GRIK2: variants seen among roughly 807,000 people sequenced by gnomAD.
GRIK2 encodes the protein glutamate ionotropic receptor kainate type subunit 2.
GRIK2 carries 32 observed loss-of-function variants against 100.3 expected under a neutral mutation model. That is an observed-to-expected ratio of 0.32 (90% CI 0.24 to 0.43). The LOEUF is 0.43. Among genes scored for constraint, GRIK2 ranks in the 20% least tolerant of loss-of-function variants. The pLI is 1.00. For synonymous variants in GRIK2, 417 were observed against 389.4 expected, an observed-to-expected ratio of 1.07 and a Z score of -0.83; for missense variants, 843 against 1,114.9, an observed-to-expected ratio of 0.76 and a Z score of 3.47.
chr6:101,540,571 A>C (rs960066146), intron 2 of GRIK2, among the ~76,000 whole-genome samples: 2 of 152,004 alleles, frequency 1.3e-5, no homozygotes, highest in Non-Finnish European at 2.9e-5. Context: ...TTAGATAAAA[A>C]TGTATGAGGA....
intron 10 of GRIK2, among the ~76,000 whole-genome samples, chr6:101,846,487 T>C (rs1783818475): frequency 6.6e-6 from 1 of 152,092 alleles, no homozygotes; most frequent in Non-Finnish European, 1.5e-5. Context: ...TCTTTTATTG[T>C]GAAGTCTTTT....
chr6:101,687,244 T>C (rs2518297), intron 7 of GRIK2, among the ~76,000 whole-genome samples: 137,704 of 151,888 alleles, frequency 0.91, 62,470 homozygotes, highest in South Asian at 0.94. Context: ...CTTGTCAGAC[T>C]TGGTAGGTAT....
At chr6:101,539,969 G>A (rs1775904881) in intron 2 of GRIK2, among the ~76,000 whole-genome samples, 1 of 151,774 alleles carries the variant, frequency 6.6e-6, no homozygotes, top group South Asian at 2.1e-4. Context: ...AAAAATTGGA[G>A]AATAAGTGTG....
At chr6:101,859,020 A>G (rs1222241774) in intron 10 of GRIK2, among the ~76,000 whole-genome samples, 3 of 151,994 alleles carry the variant, frequency 2.0e-5, no homozygotes, top group African/African-American at 2.4e-5. Context: ...GATTTATGGC[A>G]TAAGATATAA....
chr6:101,440,372 A>G (rs1226816372), intron 2 of GRIK2, among the ~76,000 whole-genome samples: 3 of 152,226 alleles, frequency 2.0e-5, no homozygotes, highest in Non-Finnish European at 2.9e-5. Flanking sequence ...AGCTCAGTGC[A>G]TTAAGTTAAT....
At chr6:101,871,426 T>A (rs1387948263) in intron 11 of GRIK2, among the ~76,000 whole-genome samples, 3 of 151,602 alleles carry the variant, frequency 2.0e-5, no homozygotes, top group Non-Finnish European at 4.4e-5. Flanking sequence ...TGCAGATTTA[T>A]TAGATGGCTA....
At chr6:101,706,225 A>G (rs759649294) in intron 7 of GRIK2, among the ~76,000 whole-genome samples, 3 of 151,924 alleles carry the variant, frequency 2.0e-5, no homozygotes, top group Non-Finnish European at 4.4e-5. Flanking sequence ...ATTGCTATAT[A>G]CATGATAGTT....
At chr6:101,657,696 T>C (rs1413026425) in intron 4 of GRIK2, among the ~76,000 whole-genome samples, 2 of 152,160 alleles carry the variant, frequency 1.3e-5, no homozygotes, top group African/African-American at 4.8e-5. Flanking sequence ...TCTATTATGT[T>C]AGCAATGTGG....
intron 2 of GRIK2, among the ~76,000 whole-genome samples, chr6:101,568,817 T>G (rs72959136): frequency 6.6e-6 from 1 of 152,224 alleles, no homozygotes; most frequent in Non-Finnish European, 1.5e-5. Context: ...TTAAAAATTC[T>G]GATAACGAGT....
Position 101,532,546 on chromosome 6 carries a change from T to TA in GRIK2, c.116-89403_116-89402insA, listed in dbSNP as rs1360724063. 9.6e-4 allele frequency among the ~76,000 whole-genome samples: 145 copies of TA among 151,212 alleles called. No homozygotes were observed. In the Middle Eastern group the frequency reaches 0.014, roughly 14 times the overall value. ...ATGATGTCTGGGGAGACCTTTTTTT[T>TA]TTTTAAAGTTTTATTTGTGTCCTTA... On this transcript the variant is annotated intron_variant, in intron 2 of 16. Transcript: ENST00000369134.
chr6:101,552,919 T>G (rs1489822697), intron 2 of GRIK2, among the ~76,000 whole-genome samples: 2 of 152,214 alleles, frequency 1.3e-5, no homozygotes. Flanking sequence ...TAGATTTTCA[T>G]AAGTTTAGGC....
chr6:101,627,089 ATGTG>A (rs377491038), intron 4 of GRIK2, among the ~76,000 whole-genome samples: 127 of 147,728 alleles, frequency 8.6e-4, no homozygotes, highest in Middle Eastern at 3.5e-3. Context: ...ATATTGAATA[ATGTG>A]TGTGTGTGTG....
At chr6:101,924,772 G>A in intron 13 of GRIK2, 53 bp downstream of exon 13, 2 of 1,097,200 alleles carry the variant, frequency 1.8e-6, no homozygotes, top group Non-Finnish European at 2.8e-6. Flanking sequence ...ACTCTTTGCT[G>A]GGGGTGACAG....
chr6:101,834,147 C>G (rs1052750259), intron 10 of GRIK2, among the ~76,000 whole-genome samples: 1 of 151,916 alleles, frequency 6.6e-6, no homozygotes, highest in Non-Finnish European at 1.5e-5. Flanking sequence ...CATAGATTTT[C>G]ACATAATGTC....
chr6:101,595,714 G>GTATATATATATATATATATATATA (rs1213458153), intron 2 of GRIK2, among the ~76,000 whole-genome samples: 67 of 129,538 alleles, frequency 5.2e-4, no homozygotes, highest in Non-Finnish European at 7.3e-4. Context: ...GTGTGTGTGT[G>GTATATATATATATATATATATATA]TGTGTATATA....
intron 9 of GRIK2, among the ~76,000 whole-genome samples, chr6:101,815,609 C>T (rs1002008849): frequency 7.8e-5 from 11 of 140,304 alleles, no homozygotes; most frequent in Non-Finnish European, 1.3e-4. Context: ...ATCTTAATTG[C>T]GTTTCAGAGC....
At chr6:102,045,044 G>A (rs924487386) in intron 15 of GRIK2, among the ~76,000 whole-genome samples, 1 of 151,852 alleles carries the variant, frequency 6.6e-6, no homozygotes, top group Non-Finnish European at 1.5e-5. Context: ...TAATGGCAAG[G>A]ACCATAAATG....
intron 14 of GRIK2, among the ~76,000 whole-genome samples, chr6:102,027,988 C>G (rs1357000346): frequency 6.6e-6 from 1 of 151,046 alleles, no homozygotes. Flanking sequence ...TTGCAAAGCA[C>G]TATTCTTACA....
intron 10 of GRIK2, among the ~76,000 whole-genome samples, chr6:101,831,017 AC>A (rs2128427982): frequency 6.6e-6 from 1 of 152,264 alleles, no homozygotes; most frequent in South Asian, 2.1e-4. Context: ...CCTATTGGAT[AC>A]CACATTCTTG....
Sources: gnomAD v4.1 joint callset for allele counts (sites outside exome capture counted in the v4.1 genomes callset) on GRCh38, gnomAD v4.1.1 for gene constraint, MANE v1.5 for transcripts, NCBI Gene and HGNC (gene_info 2026-07-23, HGNC 2026-07-21) for gene names.